The following RYR2 variants were observed in gnomAD, a reference collection of about 807,000 sequenced individuals.
RYR2 encodes the protein cardiac muscle ryanodine receptor-calcium release channel.
Under a neutral mutation model 601.1 loss-of-function variants are expected in RYR2, and 227 were observed. That is an observed-to-expected ratio of 0.38 (90% CI 0.34 to 0.42). The LOEUF is 0.42. Ranked by LOEUF, RYR2 falls within the 10% of genes least tolerant of loss-of-function variation. The probability of loss-of-function intolerance (pLI) is 1.00; values close to 1 mark genes in which losing one functional copy is unlikely to be tolerated. For missense variants in RYR2, 4,646 were observed against 6,156.5 expected, an observed-to-expected ratio of 0.75 and a Z score of 8.21; for synonymous variants, 2,223 against 2,175.1, an observed-to-expected ratio of 1.02 and a Z score of -0.61.
At chr1:237,477,339 C>T (rs889861173) in intron 17 of RYR2, among the ~76,000 whole-genome samples, 4 of 151,338 alleles carry the variant, frequency 2.6e-5, no homozygotes, top group Non-Finnish European at 5.9e-5. Context: ...TGCAGTGAGC[C>T]GAGATCACAC....
At chr1:237,277,488 T>A (rs1019073163) in intron 2 of RYR2, among the ~76,000 whole-genome samples, 1 of 152,140 alleles carries the variant, frequency 6.6e-6, no homozygotes, top group Non-Finnish European at 1.5e-5. Context: ...TTCCCAAAAA[T>A]TAATCAGTGG....
Position 237,730,325 on chromosome 1 carries a change from A to G in RYR2, c.10904A>G (p.Tyr3635Cys), listed in dbSNP as rs886044331. ...EKSWIETEEH[Y>C]FEDKLIEDLA... is the part of the protein sequence containing the mutation. Reference sequence around the variant, plus strand: ...TCTTGGATTGAAACAGAAGAACATTACTTTGAAGATAAACTGATAGAAGAT... The same window carrying G: ...TCTTGGATTGAAACAGAAGAACATTGCTTTGAAGATAAACTGATAGAAGAT... Residue 3635 changes from tyrosine (Y) to cysteine (C), a missense_variant, in exon 77 of 105, where the codon TAC becomes TGC. Tyr to Cys is a radical substitution (Grantham distance 194, BLOSUM62 -2). Transcript: ENST00000366574. 6.3e-6 allele frequency: 10 copies of G among 1,599,268 alleles called. No homozygotes were observed. Among genetic ancestry groups the G allele is most frequent in the Middle Eastern group, 1.7e-4 (1 of 6,050 alleles).
At chr1:237,390,507 T>C (rs1702287765) in intron 10 of RYR2, among the ~76,000 whole-genome samples, 1 of 152,136 alleles carries the variant, frequency 6.6e-6, no homozygotes, top group Non-Finnish European at 1.5e-5. Context: ...AATCAACACA[T>C]TTATTGTTAT....
chr1:237,402,176 T>C (rs950279322), intron 10 of RYR2, among the ~76,000 whole-genome samples: 1 of 151,982 alleles, frequency 6.6e-6, no homozygotes, highest in Non-Finnish European at 1.5e-5. Flanking sequence ...AGAAGATCAC[T>C]TGGGCCCAGG....
intron 17 of RYR2, among the ~76,000 whole-genome samples, chr1:237,490,035 A>G (rs962611970): frequency 6.6e-6 from 1 of 152,250 alleles, no homozygotes; most frequent in Non-Finnish European, 1.5e-5. Context: ...TTACAGCAAC[A>G]TGGATGCAAC....
At chr1:237,689,866 A>G (rs375299538) in intron 63 of RYR2, among the ~76,000 whole-genome samples, 1 of 147,226 alleles carries the variant, frequency 6.8e-6, no homozygotes, top group Non-Finnish European at 1.5e-5. Context: ...TTTTTGAAAG[A>G]GTTTCACTCT....
At chr1:237,315,391 A>G (rs1487584904) in intron 2 of RYR2, among the ~76,000 whole-genome samples, 1 of 152,106 alleles carries the variant, frequency 6.6e-6, no homozygotes, top group Non-Finnish European at 1.5e-5. Flanking sequence ...TATTTTAACA[A>G]TCTACTCTTG....
Position 237,827,560 on chromosome 1 carries a change from G to A in RYR2, c.14591-821G>A, listed in dbSNP as rs191898800. The stretch of plus-strand genomic sequence containing the variant: ...CAGGAGGATCGCTTGAGCCCAGGAG[G>A]TTGAGGCTGCAGTGAGCTGTGATTG... On this transcript the variant is annotated intron_variant, in intron 101 of 104. Transcript: ENST00000366574. 4.5e-3 allele frequency among the ~76,000 whole-genome samples: 668 copies of A among 147,990 alleles called. 9 individuals are homozygous for A. In the South Asian group the frequency reaches 0.06, roughly 13 times the overall value.
intron 1 of RYR2, among the ~76,000 whole-genome samples, chr1:237,127,089 A>G (rs1000797699): frequency 6.6e-6 from 1 of 151,662 alleles, no homozygotes; most frequent in African/African-American, 2.4e-5. Context: ...TTCAGAGAGC[A>G]CAGGGTTGGG....
intron 24 of RYR2, among the ~76,000 whole-genome samples, chr1:237,520,941 G>T (rs1024604410): frequency 3.9e-5 from 6 of 152,076 alleles, no homozygotes; most frequent in African/African-American, 1.4e-4. Context: ...GGAGGCTGAG[G>T]CAGGAGAATT....
chr1:237,801,230 A>T (rs1659921446), intron 97 of RYR2, among the ~76,000 whole-genome samples: 1 of 152,142 alleles, frequency 6.6e-6, no homozygotes, highest in African/African-American at 2.4e-5. Flanking sequence ...TACAGTTTCA[A>T]GGAATAAATG....
chr1:237,126,384 TG>T (rs35152852), intron 1 of RYR2, among the ~76,000 whole-genome samples: 15 of 152,190 alleles, frequency 9.9e-5, no homozygotes, highest in African/African-American at 3.4e-4. Flanking sequence ...TACCGTCTAC[TG>T]GGGCTGCCCC....
At chr1:237,450,046 A>G (rs1484640750) in intron 14 of RYR2, among the ~76,000 whole-genome samples, 1 of 152,024 alleles carries the variant, frequency 6.6e-6, no homozygotes, top group Non-Finnish European at 1.5e-5. Context: ...GACCCTCTGA[A>G]TACTCTATCC....
At chr1:237,203,858 C>T (rs1334321411) in intron 1 of RYR2, among the ~76,000 whole-genome samples, 2 of 152,214 alleles carry the variant, frequency 1.3e-5, no homozygotes, top group Non-Finnish European at 2.9e-5. Flanking sequence ...CGTGCAGTCT[C>T]CACCTCCATG....
At chr1:237,067,089 T>C (rs1663740599) in intron 1 of RYR2, among the ~76,000 whole-genome samples, 1 of 152,228 alleles carries the variant, frequency 6.6e-6, no homozygotes, top group South Asian at 2.1e-4. Flanking sequence ...TCTCCTGGTT[T>C]GTAGCTCATC....
intron 55 of RYR2, among the ~76,000 whole-genome samples, chr1:237,660,602 C>T (rs1042957715): frequency 1.3e-5 from 2 of 152,038 alleles, no homozygotes; most frequent in Admixed American, 6.6e-5. Context: ...ATGAACAAAG[C>T]GAGGATCCCT....
At chr1:237,078,773 T>A (rs1665290448) in intron 1 of RYR2, among the ~76,000 whole-genome samples, 1 of 136,346 alleles carries the variant, frequency 7.3e-6, no homozygotes, top group African/African-American at 2.8e-5. Flanking sequence ...CCTAAGTCAT[T>A]TTATGAGGCC....
chr1:237,117,805 G>A (rs936006676), intron 1 of RYR2, among the ~76,000 whole-genome samples: 1 of 151,426 alleles, frequency 6.6e-6, no homozygotes, highest in Non-Finnish European at 1.5e-5. Context: ...GAGTGCAATG[G>A]CACAATCTCG....
At chr1:237,065,195 C>G (rs1663415367) in intron 1 of RYR2, among the ~76,000 whole-genome samples, 1 of 150,576 alleles carries the variant, frequency 6.6e-6, no homozygotes, top group Non-Finnish European at 1.5e-5. Flanking sequence ...TTTTATCACC[C>G]ATAGATTCAT....
Sources: allele counts gnomAD v4.1 joint callset (sites outside exome capture counted in the v4.1 genomes callset), GRCh38; gene constraint gnomAD v4.1.1; transcripts MANE v1.5; gene names NCBI Gene and HGNC (gene_info 2026-07-23, HGNC 2026-07-21).